EBF2: variants seen among roughly 807,000 people sequenced by gnomAD.
EBF2 encodes the protein EBF transcription factor 2.
EBF2 carries 21 observed loss-of-function variants against 72.8 expected under a neutral mutation model. The observed-to-expected ratio is 0.29, with a 90% CI of 0.20 to 0.42. EBF2 has a LOEUF of 0.42. Among genes scored for constraint, EBF2 ranks in the 10% least tolerant of loss-of-function variants. EBF2 has a pLI of 1.00. For synonymous variants in EBF2, 299 were observed against 274.2 expected (o/e 1.09, Z -0.89); for missense variants, 637 against 731.2 (o/e 0.87, Z 1.49).
chr8:26,022,884 T>C (rs7008914), intron 6 of EBF2, among the ~76,000 whole-genome samples: 45,614 of 152,096 alleles, frequency 0.3, 7,211 homozygotes, highest in African/African-American at 0.38. Context: ...ACTCAGCTAC[T>C]TCTCTTTCTG....
chr8:26,002,208 G>A (rs1804739605), intron 6 of EBF2, among the ~76,000 whole-genome samples: 1 of 152,148 alleles, frequency 6.6e-6, no homozygotes, highest in Non-Finnish European at 1.5e-5. Flanking sequence ...TGGTCATCTT[G>A]CCTAAGGCAA....
rs890138174 is a variant in EBF2, at chr8:25,921,268, A to G, written c.552-12713T>C. On this transcript the variant is annotated intron_variant, in intron 6 of 15. Coordinates refer to ENST00000520164, the MANE Select transcript of EBF2 (RefSeq NM_022659.4). The stretch of plus-strand genomic sequence containing the variant: ...CCCTAAGCAAAACAGATTTTCTTAT[A>G]TTACTCATAGTAGAGTCAGCCGACT... Among the ~76,000 whole-genome samples the G allele has an allele frequency of 3.9e-5, 6 of 152,346 alleles. No individual in the cohort carries two copies. The East Asian group carries it at 5.8e-4, about 15-fold the overall frequency.
At chr8:26,014,399 T>G (rs1227758405) in intron 6 of EBF2, among the ~76,000 whole-genome samples, 1 of 152,178 alleles carries the variant, frequency 6.6e-6, no homozygotes, top group African/African-American at 2.4e-5. Flanking sequence ...TGGTGGAGAC[T>G]TTTTGGTTTT....
chr8:25,934,224 TACACACACAC>T (rs71216403), intron 6 of EBF2, among the ~76,000 whole-genome samples: 6,201 of 136,796 alleles, frequency 0.045, 164 homozygotes, highest in African/African-American at 0.07. Flanking sequence ...TTCATGTGCA[TACACACACAC>T]ACACACACAC....
intron 6 of EBF2, among the ~76,000 whole-genome samples, chr8:25,913,029 A>G (rs1395751357): frequency 6.6e-6 from 1 of 152,178 alleles, no homozygotes; most frequent in Non-Finnish European, 1.5e-5. Flanking sequence ...TGGAATTCTC[A>G]TCAATGGTCT....
intron 10 of EBF2, among the ~76,000 whole-genome samples, chr8:25,883,712 A>G (rs1802641040): frequency 1.3e-5 from 2 of 152,052 alleles, no homozygotes; most frequent in Non-Finnish European, 1.5e-5. Flanking sequence ...CTTTACTTCA[A>G]TAGAGAGTTC....
At chr8:26,011,027 G>T (rs1305927903) in intron 6 of EBF2, among the ~76,000 whole-genome samples, 1 of 131,780 alleles carries the variant, frequency 7.6e-6, no homozygotes, top group Non-Finnish European at 1.7e-5. Flanking sequence ...CTCTAAGGTA[G>T]TCTTACCTAC....
chr8:26,021,558 A>G (rs975197190), intron 6 of EBF2, among the ~76,000 whole-genome samples: 1 of 152,194 alleles, frequency 6.6e-6, no homozygotes, highest in Non-Finnish European at 1.5e-5. Flanking sequence ...AAAATACAAG[A>G]TGCTCAGTTA....
chr8:25,892,395 C>A (rs964062912), intron 7 of EBF2, among the ~76,000 whole-genome samples: 4 of 152,150 alleles, frequency 2.6e-5, no homozygotes, highest in African/African-American at 4.8e-5. Context: ...ATAATAATCA[C>A]AGGTTTGGGT....
intron 6 of EBF2, among the ~76,000 whole-genome samples, chr8:25,990,337 C>CT (rs947371883): frequency 6.6e-6 from 1 of 152,066 alleles, no homozygotes; most frequent in Admixed American, 6.5e-5. Context: ...TAAGTCAAAA[C>CT]TTTACAAGAT....
chr8:25,879,391 T>G (rs1366206772), intron 10 of EBF2, among the ~76,000 whole-genome samples: 1 of 152,212 alleles, frequency 6.6e-6, no homozygotes, highest in East Asian at 1.9e-4. Flanking sequence ...ACTCAATTAT[T>G]TCCTAGGCAG....
chr8:26,040,145 TG>T, intron 4 of EBF2, 44 bp from the exon 5 acceptor site: 11 of 1,579,216 alleles, frequency 7.0e-6, no homozygotes, highest in East Asian at 2.3e-5. Flanking sequence ...TGGAGAGGGG[TG>T]GGGGGCAAGG....
At chr8:25,984,481 G>A (rs1051835398) in intron 6 of EBF2, among the ~76,000 whole-genome samples, 12 of 152,270 alleles carry the variant, frequency 7.9e-5, no homozygotes, top group East Asian at 1.9e-4. Context: ...TCAGGAGTTC[G>A]AGAACAGCTG....
At chr8:25,927,872 C>A (rs891903055) in intron 6 of EBF2, among the ~76,000 whole-genome samples, 4 of 152,176 alleles carry the variant, frequency 2.6e-5, no homozygotes, top group Admixed American at 2.6e-4. Flanking sequence ...AAATCCCCGA[C>A]TTTTCTACAA....
intron 6 of EBF2, among the ~76,000 whole-genome samples, chr8:25,980,680 G>C (rs995718372): frequency 1.3e-5 from 2 of 151,730 alleles, no homozygotes; most frequent in Non-Finnish European, 2.9e-5. Context: ...TGGTCCCAGG[G>C]GGAGCTGCTC....
At position 25,858,335 on chromosome 8, in the gene EBF2, G is replaced by A. The variant is rs377027637; in HGVS notation, c.1512C>T (p.Thr504=). ...GTCACTTACTTCCATAAGGAGAGCC[G>A]GTGGGTGAGCCATTTAGAAATCCTG... ...GSPGFLNGSP[T]GSPYGIMSSS... The change falls in exon 14 of 16, where the codon ACC becomes ACT. Residue 504 remains threonine (T), a synonymous_variant. Transcript: ENST00000520164. The A allele has an allele frequency of 3.1e-5, 50 of 1,614,150 alleles. 1 individual carries two copies. The highest frequency in any genetic ancestry group is 1.6e-4 in the African/African-American group (12 of 75,028).
At chr8:25,907,277 GGGCAT>G (rs1803051024) in intron 7 of EBF2, among the ~76,000 whole-genome samples, 1 of 151,118 alleles carries the variant, frequency 6.6e-6, no homozygotes, top group Admixed American at 6.6e-5. Flanking sequence ...AAAATTAGCA[GGGCAT>G]GATGGTGCAC....
At chr8:25,862,202 TAAC>T (rs1377879022) in intron 11 of EBF2, among the ~76,000 whole-genome samples, 5 of 152,204 alleles carry the variant, frequency 3.3e-5, no homozygotes, top group South Asian at 2.1e-4. Context: ...TAAAGAAAGC[TAAC>T]AACATGGGCC....
intron 6 of EBF2, among the ~76,000 whole-genome samples, chr8:25,993,056 A>G (rs1358963347): frequency 6.6e-6 from 1 of 152,192 alleles, no homozygotes; most frequent in African/African-American, 2.4e-5. Context: ...TAATAATTCC[A>G]AAGTCCCTAC....
Sources: gnomAD v4.1 joint callset for allele counts (sites outside exome capture counted in the v4.1 genomes callset) on GRCh38, gnomAD v4.1.1 for gene constraint, MANE v1.5 for transcripts, NCBI Gene and HGNC (gene_info 2026-07-23, HGNC 2026-07-21) for gene names.